The following VAV2 variants were observed in gnomAD, a reference collection of about 807,000 sequenced individuals.
VAV2 encodes guanine nucleotide exchange factor VAV2.
A neutral mutation model predicts 132.5 loss-of-function variants in VAV2; 67 were observed. That is an observed-to-expected ratio of 0.51 (90% confidence interval 0.42 to 0.62). VAV2 has a LOEUF of 0.62. Ranked by LOEUF, VAV2 falls within the 20% of genes least tolerant of loss-of-function variation. VAV2 has a pLI of 0.00. For missense variants in VAV2, 938 were observed against 1,153.6 expected (o/e 0.81, Z 2.71); for synonymous variants, 492 against 443.5 (o/e 1.11, Z -1.37).
In VAV2 at chr9:133,833,196, T is replaced by C. The variant is rs914170031; in HGVS notation, c.449+1076A>G. On this transcript the variant is annotated intron_variant, in intron 4 of 29. Transcript: ENST00000371850. This position sits in a 1 kb window ranked among gnomAD's most constrained non-coding sequence, Gnocchi z 5.6. ...TGCCACATGCTGATATGGGGATGAC[T>C]TGAATTGTGTATATACACAGGGATC... is the stretch of plus-strand genomic sequence containing the variant. 2.6e-5 allele frequency among the ~76,000 whole-genome samples: 4 copies of C among 152,118 alleles called. No individual in the cohort carries two copies. The highest frequency in any genetic ancestry group is 9.7e-5 in the African/African-American group (4 of 41,428).
At chr9:133,979,860 C>A (rs1842639588) in intron 1 of VAV2, among the ~76,000 whole-genome samples, 1 of 152,216 alleles carries the variant, frequency 6.6e-6, no homozygotes, top group Non-Finnish European at 1.5e-5. Flanking sequence ...CATCAGGGAG[C>A]CTGCCGGCGT....
intron 2 of VAV2, among the ~76,000 whole-genome samples, chr9:133,936,851 A>C (rs1319726040): frequency 6.6e-6 from 1 of 152,188 alleles, no homozygotes. Context: ...CCACGGTGAG[A>C]CATGGGGAGA....
At chr9:133,954,680 C>T (rs1376894197) in intron 1 of VAV2, among the ~76,000 whole-genome samples, 1 of 152,196 alleles carries the variant, frequency 6.6e-6, no homozygotes, top group Non-Finnish European at 1.5e-5. Context: ...TGTGTGTGTC[C>T]TCATGTGTAT....
At position 133,919,988 on chromosome 9, in the gene VAV2, G is replaced by A. The variant is rs1042600619; in HGVS notation, c.321+19115C>T. The stretch of plus-strand genomic sequence containing the variant: ...GCATCAGTCAGCACCTGTTCTCTGC[G>A]CTGAGCCACGTGCCAGGAGGCCAGA... On this transcript the variant is annotated intron_variant, in intron 2 of 29. Coordinates refer to ENST00000371850, the MANE Select transcript of VAV2 (RefSeq NM_001134398.2). This position sits in a 1 kb window ranked among gnomAD's most constrained non-coding sequence, Gnocchi z 5.8. Among the ~76,000 whole-genome samples, 19 of 152,170 alleles carry A rather than the reference G, an allele frequency of 1.2e-4. No homozygotes were observed. Among genetic ancestry groups the A allele is most frequent in the African/African-American group, 3.4e-4 (14 of 41,444 alleles).
At position 133,912,585 on chromosome 9, in the gene VAV2, G is replaced by T. The variant is rs1336890634; in HGVS notation, c.321+26518C>A. 6.6e-6 allele frequency among the ~76,000 whole-genome samples: 1 copy of T among 152,154 alleles called. No homozygotes were observed. Among genetic ancestry groups the T allele is most frequent in the African/African-American group, 2.4e-5 (1 of 41,434 alleles). On this transcript the variant is annotated intron_variant, in intron 2 of 29. Coordinates refer to ENST00000371850, the MANE Select transcript of VAV2 (RefSeq NM_001134398.2). This position sits in a 1 kb window ranked among gnomAD's most constrained non-coding sequence, Gnocchi z 4.3. Reference sequence around the variant, plus strand: ...AGAGGTTCCTGCACCCTAACGTGTTGCTTCTCTGCCCATTTCAATCGCGGA... The same window carrying T: ...AGAGGTTCCTGCACCCTAACGTGTTTCTTCTCTGCCCATTTCAATCGCGGA...
chr9:133,956,046 G>A (rs930422139), intron 1 of VAV2, among the ~76,000 whole-genome samples: 2 of 151,702 alleles, frequency 1.3e-5, no homozygotes, highest in African/African-American at 2.4e-5. Context: ...AGCCCACGGG[G>A]CCAGGAGGCA....
At chr9:133,905,433 C>CAAACAAAAAA (rs1839612347) in intron 2 of VAV2, among the ~76,000 whole-genome samples, 1 of 113,302 alleles carries the variant, frequency 8.8e-6, no homozygotes, top group Non-Finnish European at 1.7e-5. Flanking sequence ...GAAACTGTCT[C>CAAACAAAAAA]AAAAAAAAAA....
At chr9:133,790,739 T>C (rs774956107) in intron 13 of VAV2, among the ~76,000 whole-genome samples, 1 of 152,216 alleles carries the variant, frequency 6.6e-6, no homozygotes, top group Middle Eastern at 3.4e-3. Flanking sequence ...AGCTTATTTT[T>C]TTTTTCTTTC....
At position 133,962,938 on chromosome 9, in the gene VAV2, TC is replaced by T. The variant is rs376882865; in HGVS notation, c.205-23720del. Among the ~76,000 whole-genome samples the T allele has an allele frequency of 5.1e-4, 77 of 152,330 alleles. 1 individual carries two copies. The South Asian group carries it at 0.016, about 31-fold the overall frequency. On this transcript the variant is annotated intron_variant, in intron 1 of 29. Coordinates refer to ENST00000371850, the MANE Select transcript of VAV2 (RefSeq NM_001134398.2). ...TCATGGCTGCTAAAAGTCTTCTTTT[TC>T]CAGAGCAAATTTTGCAAATCTCAAT...
chr9:133,988,982 C>T (rs1275515883), intron 1 of VAV2, among the ~76,000 whole-genome samples: 1 of 152,118 alleles, frequency 6.6e-6, no homozygotes. Flanking sequence ...GAGGCCTAGG[C>T]GGGTGGATCA....
chr9:133,876,574 C>T (rs1838274325), intron 2 of VAV2, among the ~76,000 whole-genome samples: 1 of 152,240 alleles, frequency 6.6e-6, no homozygotes, highest in African/African-American at 2.4e-5. Flanking sequence ...GGCCAAGGAG[C>T]TGGCCTCGCC....
intron 1 of VAV2, among the ~76,000 whole-genome samples, chr9:133,988,105 G>A (rs1363153396): frequency 1.3e-5 from 2 of 152,220 alleles, no homozygotes; most frequent in Non-Finnish European, 2.9e-5. Flanking sequence ...TGGAAGGAGG[G>A]AACATCATAG....
At chr9:133,797,674 G>A (rs758756913) in intron 10 of VAV2, 36 bp downstream of exon 10, 7 of 1,591,336 alleles carry the variant, frequency 4.4e-6, no homozygotes, top group Non-Finnish European at 6.0e-6. Context: ...TGCAACCTTG[G>A]AGCCAGGGCC....
At chr9:133,861,552 G>T in intron 2 of VAV2, 120 bp from the exon 3 acceptor site, 1 of 1,085,690 alleles carries the variant, frequency 9.2e-7, no homozygotes, top group Non-Finnish European at 1.3e-6. Flanking sequence ...TCGCATCTGG[G>T]TAAGAAACAC....
intron 24 of VAV2, among the ~76,000 whole-genome samples, chr9:133,775,597 C>T (rs952574591): frequency 2.0e-5 from 3 of 152,180 alleles, no homozygotes; most frequent in South Asian, 4.2e-4. Context: ...AGCTCTCTCC[C>T]AAAATCTGCT....
chr9:133,898,679 A>G (rs1839313505), intron 2 of VAV2, among the ~76,000 whole-genome samples: 1 of 152,170 alleles, frequency 6.6e-6, no homozygotes, highest in East Asian at 1.9e-4. Flanking sequence ...AGGTAGCTGG[A>G]CTTTTTATGT....
At chr9:133,832,847 C>A (rs1040302902) in intron 4 of VAV2, among the ~76,000 whole-genome samples, 2 of 150,504 alleles carry the variant, frequency 1.3e-5, no homozygotes, top group Non-Finnish European at 2.9e-5. Flanking sequence ...CAGGAGTGAG[C>A]AGTTTTTTTT....
chr9:133,958,277 T>C (rs7390484), intron 1 of VAV2, among the ~76,000 whole-genome samples: 59,302 of 104,094 alleles, frequency 0.57, 19,324 homozygotes, highest in East Asian at 0.76. Context: ...GTCTCCTGCC[T>C]GTCCCTGGGC....
intron 1 of VAV2, among the ~76,000 whole-genome samples, chr9:133,944,785 T>C (rs1334801758): frequency 1.3e-5 from 2 of 152,226 alleles, no homozygotes; most frequent in East Asian, 3.8e-4. Flanking sequence ...AGGGGCTGAC[T>C]CCTGGGCCCC....
Sources: gnomAD v4.1 joint callset for allele counts (sites outside exome capture counted in the v4.1 genomes callset) on GRCh38, gnomAD v4.1.1 for gene constraint, Gnocchi (gnomAD v3.1) non-coding constraint, MANE v1.5 for transcripts, NCBI Gene and HGNC (gene_info 2026-07-23, HGNC 2026-07-21) for gene names.